The following RAPGEF1 variants were observed in gnomAD, a reference collection of about 807,000 sequenced individuals.
RAPGEF1 encodes Rap guanine nucleotide exchange factor 1, also known as CRK SH3-binding GNRP.
A neutral mutation model predicts 143.3 loss-of-function variants in RAPGEF1; 33 were observed. The ratio of observed to expected loss-of-function variants is 0.23; its 90% confidence interval spans 0.17 to 0.31. The LOEUF (loss-of-function observed/expected upper bound fraction) is 0.31. RAPGEF1 is among the 10% of genes least tolerant of loss of function. The pLI is 1.00. For missense variants in RAPGEF1, 1,199 were observed against 1,645.4 expected, an observed-to-expected ratio of 0.73 and a Z score of 4.69; for synonymous variants, 629 against 676.5, an observed-to-expected ratio of 0.93 and a Z score of 1.09.
At chr9:131,739,513 C>A (rs1837617573) in intron 1 of RAPGEF1, among the ~76,000 whole-genome samples, 1 of 151,524 alleles carries the variant, frequency 6.6e-6, no homozygotes, top group Admixed American at 6.6e-5. Context: ...GAGCGGCTAG[C>A]GCGCCCGGCC....
chr9:131,661,213 G>A (rs1211657716), intron 1 of RAPGEF1, among the ~76,000 whole-genome samples: 1 of 152,216 alleles, frequency 6.6e-6, no homozygotes, highest in Admixed American at 6.5e-5. Flanking sequence ...AGTGCTCGGC[G>A]AATGCCTGTC....
chr9:131,623,099 T>C (rs1961720477), intron 10 of RAPGEF1, among the ~76,000 whole-genome samples: 1 of 152,048 alleles, frequency 6.6e-6, no homozygotes, highest in Non-Finnish European at 1.5e-5. Flanking sequence ...GCACAACCAA[T>C]GTCACCAGGC....
chr9:131,739,201 C>G (rs1252113425), intron 1 of RAPGEF1, among the ~76,000 whole-genome samples: 3 of 152,206 alleles, frequency 2.0e-5, no homozygotes, highest in African/African-American at 7.2e-5. Context: ...TCCAACCCAC[C>G]GGTCCCCCAC....
chr9:131,608,726 G>C (rs1278225742), intron 12 of RAPGEF1, among the ~76,000 whole-genome samples: 1 of 152,196 alleles, frequency 6.6e-6, no homozygotes, highest in African/African-American at 2.4e-5. Context: ...AAAACCTTCT[G>C]ATCACCATGA....
Position 131,621,859 on chromosome 9 carries a change from A to G in RAPGEF1, c.1842T>C (p.Ser614=), listed in dbSNP as rs1214949799. 1 of 1,612,140 alleles carries G rather than the reference A, an allele frequency of 6.2e-7. No individual in the cohort carries two copies. Among genetic ancestry groups the G allele is most frequent in the Non-Finnish European group, 8.5e-7 (1 of 1,179,208 alleles). The change falls in exon 11 of 27, where the codon AGT becomes AGC. Residue 614 remains serine (S), a synonymous_variant. Coordinates refer to ENST00000683357, the MANE Select transcript of RAPGEF1 (RefSeq NM_001377935.1). The surrounding 1 kb of genome is among the most constrained non-coding windows in gnomAD (Gnocchi z 4.5). ...CCAGCTCCTGCACGGAGTCCACCCC[A>G]CTGAAGGAGTCGCTGAAGCCGTATA... is the stretch of plus-strand genomic sequence containing the variant. ...MEVYGFSDSF[S]GVDSVQELAP... is the part of the protein sequence containing the mutation.
At chr9:131,717,495 G>A (rs923804217) in intron 1 of RAPGEF1, among the ~76,000 whole-genome samples, 7 of 152,128 alleles carry the variant, frequency 4.6e-5, no homozygotes, top group Non-Finnish European at 1.0e-4. Flanking sequence ...AAGCAAATAG[G>A]CCAGGCGCGG....
intron 12 of RAPGEF1, among the ~76,000 whole-genome samples, chr9:131,610,586 G>A (rs546069217): frequency 2.0e-5 from 3 of 152,174 alleles, no homozygotes; most frequent in East Asian, 1.9e-4. Flanking sequence ...GCTGGTTTTC[G>A]GGCTTAAATT....
rs552024691 is a variant in RAPGEF1, at chr9:131,619,015, G to A, written c.2061+36C>T. 94 of 1,341,624 alleles carry A rather than the reference G, an allele frequency of 7.0e-5. 1 individual carries two copies. The highest frequency in any genetic ancestry group is 6.8e-4 in the South Asian group (57 of 83,900). 83.1% of individuals were successfully genotyped at this position (1,341,624 alleles called of 1,614,324 possible). ...GCTTCCAAGGAACGGCCCTGTTCAC[G>A]CGTTTCCAAGTAAAGAACAGCAGGG... On this transcript the variant is annotated intron_variant, in intron 12 of 26. Coordinates refer to ENST00000683357, the MANE Select transcript of RAPGEF1 (RefSeq NM_001377935.1).
intron 1 of RAPGEF1, among the ~76,000 whole-genome samples, chr9:131,696,144 G>C (rs988259169): frequency 1.3e-5 from 2 of 152,218 alleles, no homozygotes; most frequent in African/African-American, 4.8e-5. Context: ...GGATCCAAGA[G>C]AGACAGGCTG....
intron 1 of RAPGEF1, among the ~76,000 whole-genome samples, chr9:131,678,781 C>T (rs1328800645): frequency 6.6e-6 from 1 of 152,192 alleles, no homozygotes; most frequent in African/African-American, 2.4e-5. Flanking sequence ...AAACAACACA[C>T]CAGGAGGCCA....
intron 1 of RAPGEF1, among the ~76,000 whole-genome samples, chr9:131,660,577 C>A (rs1303262354): frequency 6.6e-6 from 1 of 152,150 alleles, no homozygotes; most frequent in Non-Finnish European, 1.5e-5. Context: ...ATTCTAACTT[C>A]TGCTCTTCAA....
chr9:131,701,229 A>G (rs1834622404), intron 1 of RAPGEF1, among the ~76,000 whole-genome samples: 1 of 152,224 alleles, frequency 6.6e-6, no homozygotes, highest in African/African-American at 2.4e-5. Flanking sequence ...GCACGTTCCC[A>G]GGGTAAAGCA....
intron 12 of RAPGEF1, among the ~76,000 whole-genome samples, chr9:131,609,277 G>A (rs1309208335): frequency 1.3e-5 from 2 of 152,202 alleles, no homozygotes; most frequent in East Asian, 1.9e-4. Context: ...TACACACAGT[G>A]CCTTACTGTT....
Position 131,628,486 on chromosome 9 carries a change from C to G in RAPGEF1, c.1017+63G>C. The G allele has an allele frequency of 1.3e-6, 2 of 1,583,722 alleles. No individual in the cohort carries two copies. Among genetic ancestry groups the G allele is most frequent in the Non-Finnish European group, 1.7e-6 (2 of 1,161,410 alleles). ...CATGGGTTTCTTTCAGCTTCAGGAG[C>G]CACATCCCTGAGCCCCCCACCCCCT... On this transcript the variant is annotated intron_variant, in intron 8 of 26. Transcript: ENST00000683357. The surrounding 1 kb of genome is among the most constrained non-coding windows in gnomAD (Gnocchi z 5.7).
chr9:131,641,880 G>C lies in RAPGEF1; in HGVS notation c.494+1359C>G, dbSNP rs904784890. Among the ~76,000 whole-genome samples the C allele has an allele frequency of 2.0e-5, 3 of 152,386 alleles. No individual in the cohort carries two copies. The highest frequency in any genetic ancestry group is 4.4e-5 in the Non-Finnish European group (3 of 68,036). ...ACTCCAGGGAGGAAGCCCCAGGGCA[G>C]AGAGTTTCTTGTAAATAAAGACACT... is the stretch of plus-strand genomic sequence containing the variant. On this transcript the variant is annotated intron_variant, in intron 4 of 26. Coordinates refer to ENST00000683357, the MANE Select transcript of RAPGEF1 (RefSeq NM_001377935.1). This position sits in a 1 kb window ranked among gnomAD's most constrained non-coding sequence, Gnocchi z 4.6.
At chr9:131,738,560 A>T (rs1837561995) in intron 1 of RAPGEF1, among the ~76,000 whole-genome samples, 1 of 152,228 alleles carries the variant, frequency 6.6e-6, no homozygotes, top group Admixed American at 6.5e-5. Context: ...GAATGAATAT[A>T]CTAGGGGCCT....
rs1961086479 is a variant in RAPGEF1, at chr9:131,621,689, T to G, written c.1905+107A>C. 2 of 1,201,616 alleles carry G rather than the reference T, an allele frequency of 1.7e-6. No individual in the cohort carries two copies. The highest frequency in any genetic ancestry group is 2.3e-6 in the Non-Finnish European group (2 of 858,594). 74.4% of individuals were successfully genotyped at this position (1,201,616 alleles called of 1,614,324 possible). A position where few individuals can be genotyped will look rare whatever the true frequency, so the allele number is the denominator to read the frequency against. On this transcript the variant is annotated intron_variant, in intron 11 of 26. Transcript: ENST00000683357. The surrounding 1 kb of genome is among the most constrained non-coding windows in gnomAD (Gnocchi z 4.5). ...CCTTCCACGCCCAAAACCAGGGCCC[T>G]GCCACAGCAGGGAGGAGGGTTAACC...
At chr9:131,720,685 T>C (rs1404228365) in intron 1 of RAPGEF1, among the ~76,000 whole-genome samples, 1 of 152,170 alleles carries the variant, frequency 6.6e-6, no homozygotes, top group Non-Finnish European at 1.5e-5. Flanking sequence ...TCAAGCTTCT[T>C]ACCTGTCTTT....
At chr9:131,590,751 C>T (rs1208774336) in intron 18 of RAPGEF1, among the ~76,000 whole-genome samples, 1 of 152,182 alleles carries the variant, frequency 6.6e-6, no homozygotes, top group Non-Finnish European at 1.5e-5. Flanking sequence ...GCACAGGGGT[C>T]GCCAGCCAAC....
Sources: gnomAD v4.1 joint callset for allele counts (sites outside exome capture counted in the v4.1 genomes callset) on GRCh38, gnomAD v4.1.1 for gene constraint, Gnocchi (gnomAD v3.1) non-coding constraint, MANE v1.5 for transcripts, NCBI Gene and HGNC (gene_info 2026-07-23, HGNC 2026-07-21) for gene names.